Variants in RRAS2 observed in about 807,000 individuals in gnomAD.
RRAS2 encodes RAS related 2.
In RRAS2, 7 loss-of-function variants were observed where a neutral mutation model predicts 27.6. The ratio of observed to expected loss-of-function variants is 0.25; its 90% confidence interval spans 0.14 to 0.48. The LOEUF (loss-of-function observed/expected upper bound fraction) is 0.48, where lower values mean the gene tolerates loss of function less well. Ranked by LOEUF, RRAS2 falls within the 20% of genes least tolerant of loss-of-function variation. RRAS2 has a pLI of 0.99. For synonymous variants in RRAS2, 86 were observed against 90.9 expected, an observed-to-expected ratio of 0.95 and a Z score of 0.31; for missense variants, 178 against 256.2, an observed-to-expected ratio of 0.69 and a Z score of 2.08.
At position 14,338,785 on chromosome 11, in the gene RRAS2, C is replaced by CA. The variant is rs143610135; in HGVS notation, c.108+19977dup. Among the ~76,000 whole-genome samples the CA allele has an allele frequency of 4.2e-3, 643 of 151,778 alleles. 2 individuals are homozygous for CA. Among genetic ancestry groups the CA allele is most frequent in the African/African-American group, 0.014 (596 of 41,438 alleles). On this transcript the variant is annotated intron_variant, in intron 1 of 5. Transcript: ENST00000256196. ...GAGTTACAGAAGGATACAGATACTA[C>CA]AAAACAGTGAATATGGGACTCAATC...
chr11:14,353,665 CACAA>C (rs1849013240), intron 1 of RRAS2, among the ~76,000 whole-genome samples: 1 of 150,316 alleles, frequency 6.7e-6, no homozygotes, highest in Non-Finnish European at 1.5e-5. Context: ...TACGCATGCA[CACAA>C]ACACACACAC....
chr11:14,298,146 A>G (rs1208262780), intron 1 of RRAS2, among the ~76,000 whole-genome samples: 1 of 152,238 alleles, frequency 6.6e-6, no homozygotes, highest in Non-Finnish European at 1.5e-5. Context: ...AGCAAATTGG[A>G]TAAAGCATGC....
chr11:14,340,416 G>A (rs1848679456), intron 1 of RRAS2, among the ~76,000 whole-genome samples: 1 of 151,780 alleles, frequency 6.6e-6, no homozygotes, highest in African/African-American at 2.4e-5. Flanking sequence ...AAAGTATTCT[G>A]AGAATCCCAC....
At chr11:14,321,775 G>A (rs1554950304) in intron 1 of RRAS2, among the ~76,000 whole-genome samples, 2 of 152,132 alleles carry the variant, frequency 1.3e-5, no homozygotes, top group African/African-American at 4.8e-5. Flanking sequence ...ACCCTTGTTT[G>A]AGTGAGGTGA....
chr11:14,295,909 C>A, intron 1 of RRAS2, 54 bp from the exon 2 acceptor site: 1 of 1,526,962 alleles, frequency 6.5e-7, no homozygotes, highest in South Asian at 1.1e-5. Flanking sequence ...CATGGTAGCT[C>A]ACACCTGTAA....
chr11:14,304,433 T>G (rs1847788681), intron 1 of RRAS2, among the ~76,000 whole-genome samples: 1 of 152,230 alleles, frequency 6.6e-6, no homozygotes, highest in Non-Finnish European at 1.5e-5. Flanking sequence ...AGTTTAAGGC[T>G]ACCCACTATG....
intron 1 of RRAS2, among the ~76,000 whole-genome samples, chr11:14,321,482 A>G (rs1166372107): frequency 1.3e-5 from 2 of 152,154 alleles, no homozygotes; most frequent in Non-Finnish European, 2.9e-5. Flanking sequence ...TATTTTTGCC[A>G]TGTCTTGTGT....
rs1554946278 is a variant in RRAS2, at chr11:14,294,501, A to T, written c.378T>A (p.Gly126=). The part of the protein sequence containing the change: ...DRDEFPMILI[G]NKADLDHQRQ... ...TTTGATGATCCAGATCTGCTTTATT[A>T]CCAATTAAAATCATTGGGAACTCAT... The change falls in exon 4 of 6, where the codon GGT becomes GGA. Residue 126 remains glycine, a synonymous_variant. Coordinates refer to ENST00000256196, the MANE Select transcript of RRAS2 (RefSeq NM_012250.6). The T allele has an allele frequency of 6.3e-7, 1 of 1,597,756 alleles. No individual in the cohort carries two copies. Among genetic ancestry groups the T allele is most frequent in the Non-Finnish European group, 8.5e-7 (1 of 1,172,556 alleles).
At chr11:14,361,344 C>T (rs782552565), upstream of RRAS2, among the ~76,000 whole-genome samples, 4 of 152,078 alleles carry the variant, frequency 2.6e-5, no homozygotes, top group Non-Finnish European at 5.9e-5. Context: ...TCACTCCCGA[C>T]CCTTATTGAA....
chr11:14,352,418 T>C (rs181452661), intron 1 of RRAS2, among the ~76,000 whole-genome samples: 8 of 152,298 alleles, frequency 5.3e-5, no homozygotes, highest in Middle Eastern at 6.8e-3. Flanking sequence ...CTTTGCATCT[T>C]TGAAACACAT....
chr11:14,281,534 A>T (rs1849535523), intron 5 of RRAS2, 68 bp downstream of exon 5: 1 of 1,289,118 alleles, frequency 7.8e-7, no homozygotes, highest in East Asian at 2.6e-5. Flanking sequence ...CTTCCATATA[A>T]AATATCCTTA....
intron 1 of RRAS2, among the ~76,000 whole-genome samples, chr11:14,364,190 T>C (rs1259085453): frequency 6.6e-6 from 1 of 152,224 alleles, no homozygotes; most frequent in Admixed American, 6.5e-5. Context: ...ATCTGGACTG[T>C]TGGTTATTCA....
intron 1 of RRAS2, among the ~76,000 whole-genome samples, chr11:14,305,298 G>GT (rs1312488280): frequency 6.6e-6 from 1 of 152,208 alleles, no homozygotes; most frequent in Non-Finnish European, 1.5e-5. Context: ...GTTATTTGGA[G>GT]TTTTTTCCTA....
chr11:14,289,614 C>G (rs1849754368), intron 4 of RRAS2, among the ~76,000 whole-genome samples: 1 of 152,190 alleles, frequency 6.6e-6, no homozygotes, highest in Non-Finnish European at 1.5e-5. Context: ...TCAAATTCTA[C>G]AGATATCTTT....
Position 14,295,816 on chromosome 11 carries a change from A to G in RRAS2, c.148T>C (p.Ser50Pro). The change falls in exon 2 of 6, where the codon TCT becomes CCT. Residue 50 changes from serine to proline, a missense_variant. By Grantham distance (74) the Ser-to-Pro change is moderately conservative. Transcript: ENST00000256196. ...TCTATCACACACTGCTTTGTGTAAGAATCTTCAATGGTTGGATCATAATCC... is the reference window on the plus strand; with the variant it reads ...TCTATCACACACTGCTTTGTGTAAGGATCTTCAATGGTTGGATCATAATCC... ...VTDYDPTIED[S>P]YTKQCVIDDR... The G allele has an allele frequency of 6.2e-7, 1 of 1,613,646 alleles. No individual in the cohort carries two copies. Among genetic ancestry groups the G allele is most frequent in the Non-Finnish European group, 8.5e-7 (1 of 1,179,774 alleles).
intron 1 of RRAS2, chr11:14,308,367 C>A: frequency 2.5e-6 from 1 of 399,924 alleles, no homozygotes; most frequent in Non-Finnish European, 4.9e-6. Flanking sequence ...AGATTCTAGT[C>A]CCAGCTATAC....
At position 14,329,284 on chromosome 11, in the gene RRAS2, T is replaced by C. The variant is rs369238320; in HGVS notation, c.108+29479A>G. Among the ~76,000 whole-genome samples the C allele has an allele frequency of 3.3e-5, 5 of 151,944 alleles. No homozygotes were observed. In the East Asian group the frequency reaches 9.7e-4, roughly 30 times the overall value. ...CATGAGCCCCCACACCCAGCTAATT[T>C]TGTATTTTTAGTAAAGATGGGGTTT... On this transcript the variant is annotated intron_variant, in intron 1 of 5. Coordinates refer to ENST00000256196, the MANE Select transcript of RRAS2 (RefSeq NM_012250.6).
At chr11:14,298,692 C>T (rs189895341) in intron 1 of RRAS2, among the ~76,000 whole-genome samples, 114 of 152,314 alleles carry the variant, frequency 7.5e-4, no homozygotes, top group Non-Finnish European at 1.2e-3. Flanking sequence ...AGACCATCAT[C>T]TACTGGCTAC....
intron 2 of RRAS2, among the ~76,000 whole-genome samples, chr11:14,295,357 G>A (rs527880116): frequency 3.3e-5 from 5 of 152,326 alleles, no homozygotes; most frequent in East Asian, 1.9e-4. Context: ...GAGGGGGGAT[G>A]TTTAGACACA....
Sources: gnomAD v4.1 joint callset for allele counts (sites outside exome capture counted in the v4.1 genomes callset) on GRCh38, gnomAD v4.1.1 for gene constraint, MANE v1.5 for transcripts, NCBI Gene and HGNC (gene_info 2026-07-23, HGNC 2026-07-21) for gene names.